The following SV2B variants were observed in gnomAD, a reference collection of about 807,000 sequenced individuals.
SV2B encodes the protein solute carrier family 22 member B2.
Under a neutral mutation model 73.9 loss-of-function variants are expected in SV2B, and 41 were observed. The observed-to-expected ratio is 0.56, with a 90% confidence interval of 0.43 to 0.72. SV2B has a LOEUF of 0.72. Among genes scored for constraint, SV2B ranks in the 30% least tolerant of loss-of-function variants. SV2B has a pLI of 0.00. For missense variants in SV2B, 764 were observed against 857.8 expected (o/e 0.89, Z 1.37); for synonymous variants, 314 against 314.2 (o/e 1.00, Z 0.01).
intron 9 of SV2B, among the ~76,000 whole-genome samples, chr15:91,272,906 C>G (rs1292870469): frequency 6.9e-6 from 1 of 144,278 alleles, no homozygotes; most frequent in African/African-American, 2.6e-5. Context: ...GATCTCAGCT[C>G]ACTACAGTCT....
chr15:91,151,140 G>A (rs1332971410), intron 1 of SV2B, among the ~76,000 whole-genome samples: 1 of 152,202 alleles, frequency 6.6e-6, no homozygotes, highest in African/African-American at 2.4e-5. Flanking sequence ...TAACAGTTAA[G>A]CACATGTGTG....
At chr15:91,257,643 G>A (rs565698807) in intron 4 of SV2B, among the ~76,000 whole-genome samples, 46 of 152,242 alleles carry the variant, frequency 3.0e-4, no homozygotes, top group Admixed American at 1.5e-3. Context: ...AACCCTTTGC[G>A]CTGGAATCAC....
At chr15:91,208,628 A>G (rs17642438) in intron 1 of SV2B, among the ~76,000 whole-genome samples, 5,324 of 152,296 alleles carry the variant, frequency 0.035, 256 homozygotes, top group East Asian at 0.13. Flanking sequence ...TCTAGTAGCT[A>G]TTGAAGAGCC....
At chr15:91,255,070 T>A (rs2047635913) in intron 4 of SV2B, among the ~76,000 whole-genome samples, 1 of 152,154 alleles carries the variant, frequency 6.6e-6, no homozygotes, top group Non-Finnish European at 1.5e-5. Flanking sequence ...ACCACAGGTG[T>A]GCAACACAGT....
At chr15:91,150,396 A>G (rs373350340) in intron 1 of SV2B, among the ~76,000 whole-genome samples, 9 of 152,216 alleles carry the variant, frequency 5.9e-5, no homozygotes, top group Admixed American at 3.9e-4. Context: ...AAGTCAGCTC[A>G]TGCTGGGCTG....
chr15:91,254,428 G>C (rs548063696), intron 4 of SV2B, among the ~76,000 whole-genome samples: 1 of 151,878 alleles, frequency 6.6e-6, no homozygotes, highest in Non-Finnish European at 1.5e-5. Context: ...GTAGAGTCGG[G>C]GTTTCACCAT....
At position 91,128,936 on chromosome 15, in the gene SV2B, T is replaced by G. The variant is rs2042565367; in HGVS notation, c.-392+28573T>G. ...GCATAACAATGGCCAATTTCCCTTG[T>G]GTCTTTGGGTCTTCATTCTGAAGGC... On this transcript the variant is annotated intron_variant, in intron 1 of 12. Transcript: ENST00000394232. This position sits in a 1 kb window ranked among gnomAD's most constrained non-coding sequence, Gnocchi z 4.2. The G allele has an allele frequency of 2.0e-5, 3 of 152,282 alleles. No individual in the cohort carries two copies. The highest frequency in any genetic ancestry group is 1.5e-5 in the Non-Finnish European group (1 of 68,050). The allele number at this position is 152,282 out of a possible 1,614,324, so 9.4% of individuals were successfully genotyped here.
chr15:91,235,055 C>A (rs939305684), intron 2 of SV2B, among the ~76,000 whole-genome samples: 1 of 152,158 alleles, frequency 6.6e-6, no homozygotes, highest in African/African-American at 2.4e-5. Context: ...TTAGAAGAGA[C>A]ATCCTGAGCA....
chr15:91,213,823 G>A (rs983888337), intron 1 of SV2B, among the ~76,000 whole-genome samples: 1 of 152,100 alleles, frequency 6.6e-6, no homozygotes, highest in African/African-American at 2.4e-5. Flanking sequence ...TCCCTTTAAA[G>A]GCTCTGAACC....
rs2049400798 is a variant in SV2B at position 91,300,313 on chromosome 15, C to T, written c.*7761C>T. The T allele has an allele frequency of 6.6e-6, 1 of 152,160 alleles. No individual in the cohort carries two copies. Among genetic ancestry groups the T allele is most frequent in the South Asian group, 2.1e-4 (1 of 4,828 alleles). 9.4% of individuals were successfully genotyped at this position (152,160 alleles called of 1,614,324 possible). ...CCATCTGAATCCTGGAAGTCCCCAA[C>T]TCTACCAGACCAAAAGGGTGTCTCT... is the stretch of plus-strand genomic sequence containing the variant. On this transcript the variant is annotated 3_prime_UTR_variant, in exon 13 of 13. Transcript: ENST00000394232.
intron 6 of SV2B, among the ~76,000 whole-genome samples, chr15:91,262,608 C>T (rs1211425140): frequency 2.6e-5 from 4 of 152,162 alleles, no homozygotes; most frequent in South Asian, 4.1e-4. Context: ...CCCCTTCCTC[C>T]TCCCACCCTC....
Position 91,258,411 on chromosome 15 carries a change from T to C in SV2B, c.785-10T>C, listed in dbSNP as rs775279502. 1 of 1,613,838 alleles carries C rather than the reference T, an allele frequency of 6.2e-7. No individual in the cohort carries two copies. The highest frequency in any genetic ancestry group is 8.5e-7 in the Non-Finnish European group (1 of 1,179,888). ...TCCCAGAAATCCTTTGACTGACTGCTCCTTTGCAGGCTGGGGCTTCAGCAT... is the reference window on the plus strand; with the variant it reads ...TCCCAGAAATCCTTTGACTGACTGCCCCTTTGCAGGCTGGGGCTTCAGCAT... On this transcript the variant is annotated splice_polypyrimidine_tract_variant and intron_variant, in intron 4 of 12. Coordinates refer to ENST00000394232, the MANE Select transcript of SV2B (RefSeq NM_001323032.3). This position sits in a 1 kb window ranked among gnomAD's most constrained non-coding sequence, Gnocchi z 4.7.
rs1166541406 is a variant in SV2B, at chr15:91,129,734, C to T, written c.-392+29371C>T. The stretch of plus-strand genomic sequence containing the variant: ...TCTGTGGATGGAGGCAGTATAACTT[C>T]GTGGCTTCTGGCCTGTGCCCTGGAG... On this transcript the variant is annotated intron_variant, in intron 1 of 12. Transcript: ENST00000394232. This position sits in a 1 kb window ranked among gnomAD's most constrained non-coding sequence, Gnocchi z 5.1. Among the ~76,000 whole-genome samples, 3 of 152,194 alleles carry T rather than the reference C, an allele frequency of 2.0e-5. No individual in the cohort carries two copies. The highest frequency in any genetic ancestry group is 4.4e-5 in the Non-Finnish European group (3 of 68,040).
In SV2B at chr15:91,289,391, C is replaced by T; in HGVS notation, c.1709-130C>T. On this transcript the variant is annotated intron_variant, in intron 11 of 12. Transcript: ENST00000394232. This position sits in a 1 kb window ranked among gnomAD's most constrained non-coding sequence, Gnocchi z 4.9. ...GTGCTCTCTCTGTGTGGAGGGTGAACCTAATACTTCAGGCAGCCTTGGCTT... is the reference window on the plus strand; with the variant it reads ...GTGCTCTCTCTGTGTGGAGGGTGAATCTAATACTTCAGGCAGCCTTGGCTT... 8.5e-7 allele frequency: 1 copy of T among 1,170,836 alleles called. No individual in the cohort carries two copies. The highest frequency in any genetic ancestry group is 1.3e-6 in the Non-Finnish European group (1 of 790,208). The allele number at this position is 1,170,836 out of a possible 1,614,324, so 72.5% of individuals were successfully genotyped here. A position where few individuals can be genotyped will look rare whatever the true frequency, so the allele number is the denominator to read the frequency against.
intron 1 of SV2B, among the ~76,000 whole-genome samples, chr15:91,134,118 C>A (rs1013149486): frequency 1.3e-5 from 2 of 150,668 alleles, no homozygotes; most frequent in African/African-American, 4.9e-5. Context: ...CCTGCCTCAG[C>A]CTCCCAAGTA....
chr15:91,170,276 C>T (rs1000170658), intron 1 of SV2B, among the ~76,000 whole-genome samples: 2 of 149,724 alleles, frequency 1.3e-5, no homozygotes, highest in African/African-American at 4.8e-5. Flanking sequence ...GAGATATATG[C>T]GGATTTGTTG....
Position 91,280,460 on chromosome 15 carries a change from G to GCACCTAGTACCA in SV2B, c.1374-1268_1374-1267insCACCTAGTACCA. Among the ~76,000 whole-genome samples the GCACCTAGTACCA allele has an allele frequency of 6.6e-6, 1 of 152,348 alleles. No individual in the cohort carries two copies. Among genetic ancestry groups the GCACCTAGTACCA allele is most frequent in the Admixed American group, 6.5e-5 (1 of 15,306 alleles). On this transcript the variant is annotated intron_variant, in intron 9 of 12. Coordinates refer to ENST00000394232, the MANE Select transcript of SV2B (RefSeq NM_001323032.3). The surrounding 1 kb of genome is among the most constrained non-coding windows in gnomAD (Gnocchi z 5.8). ...CTCATAGCACCTAGTACCATGCTCA[G>GCACCTAGTACCA]TGTTTGCAGAAGACTAAATATGTAA... is the stretch of plus-strand genomic sequence containing the variant.
rs2046406790 is a variant in SV2B at position 91,227,011 on chromosome 15, C to G, written c.451+297C>G. Among the ~76,000 whole-genome samples the G allele has an allele frequency of 6.6e-6, 1 of 152,102 alleles. No homozygotes were observed. Among genetic ancestry groups the G allele is most frequent in the African/African-American group, 2.4e-5 (1 of 41,404 alleles). On this transcript the variant is annotated intron_variant, in intron 2 of 12. Transcript: ENST00000394232. This position sits in a 1 kb window ranked among gnomAD's most constrained non-coding sequence, Gnocchi z 4.5. ...CTTCATGTTAAACCTTCTTCGATGT[C>G]CAAATGACAAATACATTTTGGGAGT...
intron 6 of SV2B, 38 bp from the exon 7 acceptor site, chr15:91,266,544 G>A (rs777835769): frequency 1.3e-6 from 2 of 1,486,590 alleles, no homozygotes; most frequent in African/African-American, 2.8e-5. Context: ...GACACAAAGT[G>A]GGGTTCAAAT....
Sources: gnomAD v4.1 joint callset for allele counts (sites outside exome capture counted in the v4.1 genomes callset) on GRCh38, gnomAD v4.1.1 for gene constraint, Gnocchi (gnomAD v3.1) non-coding constraint, MANE v1.5 for transcripts, NCBI Gene and HGNC (gene_info 2026-07-23, HGNC 2026-07-21) for gene names.